The following NNT variants were observed in gnomAD, a reference collection of about 807,000 sequenced individuals.
NNT encodes nicotinamide nucleotide transhydrogenase, also known as NAD(P) transhydrogenase, mitochondrial.
In NNT, 50 loss-of-function variants were observed where a neutral mutation model predicts 104.8. That is an observed-to-expected ratio of 0.48 (90% confidence interval 0.38 to 0.60). The LOEUF is 0.60. NNT is among the 20% of genes least tolerant of loss of function. The probability of loss-of-function intolerance (pLI) is 0.00; values close to 1 mark genes in which losing one functional copy is unlikely to be tolerated. For missense variants in NNT, 1,131 were observed against 1,330.7 expected, an observed-to-expected ratio of 0.85 and a Z score of 2.33; for synonymous variants, 461 against 490.4, an observed-to-expected ratio of 0.94 and a Z score of 0.79.
chr5:43,651,041 G>A (rs1278267756), intron 12 of NNT, among the ~76,000 whole-genome samples: 2 of 152,106 alleles, frequency 1.3e-5, no homozygotes, highest in Non-Finnish European at 2.9e-5. Context: ...CAAGAAACCT[G>A]GTGCCTGTTG....
intron 19 of NNT, among the ~76,000 whole-genome samples, chr5:43,690,275 C>A (rs1485660295): frequency 1.3e-5 from 2 of 151,922 alleles, no homozygotes; most frequent in East Asian, 1.9e-4. Flanking sequence ...GGACTTCTGA[C>A]CTTCAGCCCT....
intron 16 of NNT, 128 bp from the exon 17 acceptor site, chr5:43,659,043 C>T (rs972826267): frequency 2.3e-6 from 2 of 868,868 alleles, no homozygotes; most frequent in African/African-American, 3.5e-5. Context: ...ACACTTATTA[C>T]CGGAAGTGGA....
chr5:43,627,200 C>T (rs542163999), intron 6 of NNT, among the ~76,000 whole-genome samples: 1 of 152,296 alleles, frequency 6.6e-6, no homozygotes, highest in South Asian at 2.1e-4. Flanking sequence ...AGGGGGCAAT[C>T]TGGGCTACCA....
In NNT at chr5:43,651,791, C is replaced by G. The variant is rs1237447966; in HGVS notation, c.1770C>G (p.Asp590Glu). Reference sequence around the variant, plus strand: ...TGGACATGTTCAAGCGTCCCACTGACCCCCCAGAATACAACTACCTGTACC... The same window carrying G: ...TGGACATGTTCAAGCGTCCCACTGAGCCCCCAGAATACAACTACCTGTACC... ...RMLDMFKRPT[D>E]PPEYNYLYLL... Residue 590 changes from aspartate (D) to glutamate (E), a missense_variant, in exon 13 of 22, where the codon GAC becomes GAG. Asp to Glu is a conservative substitution (Grantham distance 45). Transcript: ENST00000344920. 1.9e-6 allele frequency: 3 copies of G among 1,613,790 alleles called. No individual in the cohort carries two copies. The highest frequency in any genetic ancestry group is 2.5e-6 in the Non-Finnish European group (3 of 1,179,886).
At chr5:43,690,653 T>C (rs771155591) in intron 19 of NNT, among the ~76,000 whole-genome samples, 3 of 152,220 alleles carry the variant, frequency 2.0e-5, no homozygotes, top group African/African-American at 7.2e-5. Flanking sequence ...TTGCTCTTAC[T>C]AGTGGTTAAG....
chr5:43,619,023 T>A lies in NNT; in HGVS notation c.600-9T>A. 7.0e-7 allele frequency: 1 copy of A among 1,419,514 alleles called. No individual in the cohort carries two copies. Among genetic ancestry groups the A allele is most frequent in the Non-Finnish European group, 9.4e-7 (1 of 1,060,756 alleles). The allele number at this position is 1,419,514 out of a possible 1,614,324, so 87.9% of individuals were successfully genotyped here. A position where few individuals can be genotyped will look rare whatever the true frequency, so the allele number is the denominator to read the frequency against. On this transcript the variant is annotated splice_polypyrimidine_tract_variant and intron_variant, in intron 4 of 21. Transcript: ENST00000344920. The stretch of plus-strand genomic sequence containing the variant: ...AATTATTTATTTATTTATTTATTTA[T>A]TTTTAAAGTTATAAGGCTGTTGTCC...
At chr5:43,618,314 A>G (rs1579982015) in intron 4 of NNT, among the ~76,000 whole-genome samples, 1 of 152,198 alleles carries the variant, frequency 6.6e-6, no homozygotes, top group African/African-American at 2.4e-5. Flanking sequence ...CAAGGTTTAG[A>G]AAATTTTAAA....
At chr5:43,657,451 G>GTTAT (rs1021662906) in intron 16 of NNT, among the ~76,000 whole-genome samples, 34 of 152,102 alleles carry the variant, frequency 2.2e-4, no homozygotes, top group Admixed American at 1.2e-3. Flanking sequence ...GCTATTTACT[G>GTTAT]TTATTCACTG....
At chr5:43,684,885 T>A (rs1375085758) in intron 19 of NNT, among the ~76,000 whole-genome samples, 1 of 152,184 alleles carries the variant, frequency 6.6e-6, no homozygotes, top group South Asian at 2.1e-4. Context: ...AAAAAAATAC[T>A]GAATATAGTA....
rs1015099554 is a variant in NNT at position 43,612,612 on chromosome 5, AT to A, written c.152-287del. Among the ~76,000 whole-genome samples the A allele has an allele frequency of 1.4e-3, 217 of 151,098 alleles. 2 individuals are homozygous for A. The highest frequency in any genetic ancestry group is 5.0e-3 in the African/African-American group (207 of 41,198). On this transcript the variant is annotated intron_variant, in intron 2 of 21. Transcript: ENST00000344920. ...AGCATGTGGAGGGATCTCTAAACCC[AT>A]TTTTTTTTCTCCTACAAATCAACTA...
chr5:43,696,618 G>A (rs1742570694), intron 19 of NNT, among the ~76,000 whole-genome samples: 1 of 152,230 alleles, frequency 6.6e-6, no homozygotes, highest in South Asian at 2.1e-4. Context: ...AGTAGCAGAG[G>A]TTCTCTGTGA....
chr5:43,662,380 C>G (rs1561301042), intron 17 of NNT, among the ~76,000 whole-genome samples: 3 of 152,086 alleles, frequency 2.0e-5, no homozygotes, highest in Non-Finnish European at 1.5e-5. Context: ...TTTTCTTACT[C>G]TTTTATTTTT....
chr5:43,643,657 T>C (rs866982078), intron 7 of NNT, among the ~76,000 whole-genome samples: 1 of 152,208 alleles, frequency 6.6e-6, no homozygotes, highest in African/African-American at 2.4e-5. Flanking sequence ...TTCCTGTCTC[T>C]CCTCAAAGTT....
chr5:43,693,252 G>A (rs1742382516), intron 19 of NNT, among the ~76,000 whole-genome samples: 1 of 151,970 alleles, frequency 6.6e-6, no homozygotes. Flanking sequence ...GTAGTCTTGG[G>A]AGTATATTTT....
At chr5:43,669,316 T>C (rs961207327) in intron 17 of NNT, among the ~76,000 whole-genome samples, 2 of 152,134 alleles carry the variant, frequency 1.3e-5, no homozygotes, top group African/African-American at 4.8e-5. Context: ...TCCAACACTA[T>C]GTTGAATAGG....
chr5:43,704,081 T>C (rs935890765), intron 21 of NNT, among the ~76,000 whole-genome samples, 174 bp from the exon 22 acceptor site: 1 of 152,330 alleles, frequency 6.6e-6, no homozygotes, highest in East Asian at 1.9e-4. Flanking sequence ...TTAAAGTTAA[T>C]ACAATGTAAA....
intron 19 of NNT, among the ~76,000 whole-genome samples, chr5:43,680,563 A>G (rs1561318349): frequency 6.6e-6 from 1 of 152,170 alleles, no homozygotes; most frequent in East Asian, 1.9e-4. Flanking sequence ...TCAATTAGTT[A>G]TACCCAAGTG....
chr5:43,674,131 G>T (rs771369805), intron 17 of NNT, among the ~76,000 whole-genome samples: 3 of 151,856 alleles, frequency 2.0e-5, no homozygotes, highest in Non-Finnish European at 4.4e-5. Context: ...AGACAAATTT[G>T]TCAGACTTTG....
chr5:43,649,390 A>G, intron 11 of NNT, 82 bp downstream of exon 11: 1 of 1,493,968 alleles, frequency 6.7e-7, no homozygotes, highest in East Asian at 2.3e-5. Flanking sequence ...GCCGTTTATA[A>G]AGTGTGTTTT....
Sources: gnomAD v4.1 joint callset for allele counts (sites outside exome capture counted in the v4.1 genomes callset) on GRCh38, gnomAD v4.1.1 for gene constraint, MANE v1.5 for transcripts, NCBI Gene and HGNC (gene_info 2026-07-23, HGNC 2026-07-21) for gene names.